ABCA4: variants seen among roughly 807,000 people sequenced by gnomAD.
The protein encoded by ABCA4 is retinal-specific phospholipid-transporting ATPase ABCA4.
Under a neutral mutation model 263.7 loss-of-function variants are expected in ABCA4, and 196 were observed. That is an observed-to-expected ratio of 0.74 (90% confidence interval 0.66 to 0.84). ABCA4 has a LOEUF of 0.84. Among genes scored for constraint, ABCA4 ranks in the 40% least tolerant of loss-of-function variants. The pLI, the probability that ABCA4 is intolerant of heterozygous loss-of-function variation, is 0.00. For missense variants in ABCA4, 2,792 were observed against 2,855.1 expected, an observed-to-expected ratio of 0.98 and a Z score of 0.50; for synonymous variants, 1,133 against 1,094.2, an observed-to-expected ratio of 1.04 and a Z score of -0.70.
At chr1:94,068,018 T>G (rs1661317820) in intron 11 of ABCA4, among the ~76,000 whole-genome samples, 1 of 152,182 alleles carries the variant, frequency 6.6e-6, no homozygotes, top group African/African-American at 2.4e-5. Context: ...CCAGGTTACC[T>G]TTTAGCCATG....
intron 44 of ABCA4, 23 bp downstream of exon 44, chr1:94,005,418 G>A (rs372343357): frequency 5.4e-5 from 87 of 1,613,798 alleles, no homozygotes; most frequent in Non-Finnish European, 7.1e-5. Context: ...ACTCCTATGT[G>A]GCCACAACAA....
chr1:94,063,122 T>C lies in ABCA4; in HGVS notation c.1750A>G (p.Ile584Val). The change falls in exon 12 of 50, where the codon ATT becomes GTT. Residue 584 changes from isoleucine (I) to valine (V), a missense_variant. By Grantham distance (29) the Ile-to-Val change is conservative (BLOSUM62 3). Coordinates refer to ENST00000370225, the MANE Select transcript of ABCA4 (RefSeq NM_000350.3). ...TTCCTGAAACATCACCTGTCTTTAA[T>C]CTTATTGGTTTTCTCCACCACGTCT... ...DIDVVEKTNK[I>V]KDRYWDSGPR... 6.2e-7 allele frequency: 1 copy of C among 1,613,596 alleles called. No homozygotes were observed. The highest frequency in any genetic ancestry group is 8.5e-7 in the Non-Finnish European group (1 of 1,179,692).
chr1:94,037,196 C>G lies in ABCA4; in HGVS notation c.3762G>C (p.Leu1254=), dbSNP rs370865815. Residue 1254 remains leucine (L), a synonymous_variant, in exon 25 of 50, where the codon CTG becomes CTC. Coordinates refer to ENST00000370225, the MANE Select transcript of ABCA4 (RefSeq NM_000350.3). ...CAAAACTGCTGAGACCAAGGTCAGC[C>G]AGCGTCTCCTCCAGCTCTCTGAAAA... is the stretch of plus-strand genomic sequence containing the variant. ...ASLFRELEET[L]ADLGLSSFGI... The G allele has an allele frequency of 1.2e-6, 2 of 1,614,216 alleles. No individual in the cohort carries two copies. Among genetic ancestry groups the G allele is most frequent in the South Asian group, 1.1e-5 (1 of 91,084 alleles).
intron 11 of ABCA4, among the ~76,000 whole-genome samples, chr1:94,067,984 A>G (rs926515049): frequency 2.6e-5 from 4 of 152,232 alleles, no homozygotes; most frequent in African/African-American, 4.8e-5. Context: ...ATATCTTGAA[A>G]GTCAACAGAC....
At chr1:94,013,521 G>A (rs539542486) in intron 38 of ABCA4, among the ~76,000 whole-genome samples, 22 of 152,144 alleles carry the variant, frequency 1.4e-4, no homozygotes, top group Non-Finnish European at 2.8e-4. Flanking sequence ...AGGTTGAGGC[G>A]CCTGGGGACA....
chr1:94,012,911 C>T (rs183214844), intron 38 of ABCA4, among the ~76,000 whole-genome samples: 5 of 152,302 alleles, frequency 3.3e-5, no homozygotes, highest in East Asian at 3.9e-4. Flanking sequence ...TGATCTCACA[C>T]GGGCCGGCAG....
At chr1:94,120,959 A>G in intron 1 of ABCA4, 21 bp downstream of exon 1, 2 of 1,610,194 alleles carry the variant, frequency 1.2e-6, no homozygotes, top group Non-Finnish European at 1.7e-6. Context: ...TCATTTTTAA[A>G]CCACAGACAG....
Position 94,098,879 on chromosome 1 carries a change from G to A in ABCA4, c.683C>T (p.Ala228Val), listed in dbSNP as rs1367618229. ...QRRGAKTVRY[A>V]LCSLSQGTLQ... ...GGTGCCCTGGGAGAGGGAGCACAGG[G>A]CATAGCGCACCGTCTTTGCCCCGCG... Residue 228 changes from alanine to valine, a missense_variant, in exon 6 of 50, where the codon GCC (alanine) becomes GTC (valine). Physicochemically the swap from Ala to Val is moderately conservative, Grantham distance 64. Transcript: ENST00000370225. 6.2e-7 allele frequency: 1 copy of A among 1,614,132 alleles called. No homozygotes were observed. Among genetic ancestry groups the A allele is most frequent in the Non-Finnish European group, 8.5e-7 (1 of 1,180,044 alleles).
chr1:94,010,791 T>C lies in ABCA4; in HGVS notation c.5714+9A>G. 6.2e-7 allele frequency: 1 copy of C among 1,614,108 alleles called. No individual in the cohort carries two copies. Among genetic ancestry groups the C allele is most frequent in the Non-Finnish European group, 8.5e-7 (1 of 1,179,996 alleles). On this transcript the variant is annotated intron_variant, in intron 40 of 49. Coordinates refer to ENST00000370225, the MANE Select transcript of ABCA4 (RefSeq NM_000350.3). Reference sequence around the variant, plus strand: ...CTGCCCACTGGCCCAGGGTGTGGCATGGACGTACCATTGGGAGAGGAAGAA... The same window carrying C: ...CTGCCCACTGGCCCAGGGTGTGGCACGGACGTACCATTGGGAGAGGAAGAA...
intron 48 of ABCA4, 86 bp from the exon 49 acceptor site, chr1:93,996,281 T>C: frequency 1.9e-6 from 2 of 1,048,006 alleles, no homozygotes; most frequent in Non-Finnish European, 2.9e-6. Flanking sequence ...CTCTCTATTT[T>C]CCACAGTTCA....
chr1:94,025,123 G>T (rs1214277105), intron 30 of ABCA4, 75 bp from the exon 31 acceptor site: 7 of 1,221,498 alleles, frequency 5.7e-6, no homozygotes, highest in Non-Finnish European at 8.5e-6. Flanking sequence ...ACTGCTTGTT[G>T]TCTTCCAAAA....
rs987438764 is a variant in ABCA4 at position 94,005,246 on chromosome 1, T to G, written c.6147+195A>C. The G allele has an allele frequency of 1.2e-5, 8 of 645,600 alleles. No individual in the cohort carries two copies. The African/African-American group carries it at 1.5e-4, about 12-fold the overall frequency. 40.0% of individuals were successfully genotyped at this position (645,600 alleles called of 1,614,324 possible). On this transcript the variant is annotated intron_variant, in intron 44 of 49. Transcript: ENST00000370225. ...TAGATATGAGAGTGGGGATTTTTTTTTGTCTGTCTTGTTCACTGCTATACT... is the reference window on the plus strand; with the variant it reads ...TAGATATGAGAGTGGGGATTTTTTTGTGTCTGTCTTGTTCACTGCTATACT...
intron 11 of ABCA4, among the ~76,000 whole-genome samples, chr1:94,064,990 C>T (rs1220542811): frequency 6.6e-6 from 1 of 152,148 alleles, no homozygotes; most frequent in Non-Finnish European, 1.5e-5. Context: ...CTTTAAGGAA[C>T]AGATTCATCC....
chr1:94,116,324 C>T (rs1164430619), intron 1 of ABCA4, among the ~76,000 whole-genome samples: 1 of 152,048 alleles, frequency 6.6e-6, no homozygotes, highest in Non-Finnish European at 1.5e-5. Flanking sequence ...CAGCACTTCT[C>T]ATGTGGCTGC....
At position 94,051,698 on chromosome 1, in the gene ABCA4, C is replaced by G. The variant is rs76157638; in HGVS notation, c.2588G>C (p.Gly863Ala). ...LAWYLDQVFP[G>A]DYGTPLPWYF... ...CCAAGGAAGTGGGGTTCCATAGTCT[C>G]CTAAAAATAGAGACAAATAAACAGA... The change falls in exon 17 of 50, where the codon GGA becomes GCA. Residue 863 changes from glycine (G) to alanine (A), a missense_variant and splice_region_variant. Physicochemically the swap from Gly to Ala is moderately conservative, Grantham distance 60 (BLOSUM62 0). Coordinates refer to ENST00000370225, the MANE Select transcript of ABCA4 (RefSeq NM_000350.3). 11,375 of 1,612,312 alleles carry G rather than the reference C, an allele frequency of 7.1e-3. 46 individuals are homozygous for G. Among genetic ancestry groups the G allele is most frequent in the Non-Finnish European group, 8.9e-3 (10,483 of 1,178,342 alleles).
intron 11 of ABCA4, among the ~76,000 whole-genome samples, chr1:94,075,176 G>A (rs902459545): frequency 9.9e-5 from 15 of 152,118 alleles, no homozygotes; most frequent in African/African-American, 2.7e-4. Flanking sequence ...GGGTAGGGGC[G>A]AGGCGAGGGA....
intron 1 of ABCA4, among the ~76,000 whole-genome samples, chr1:94,115,721 G>A (rs1206133740): frequency 6.6e-6 from 1 of 152,200 alleles, no homozygotes; most frequent in Non-Finnish European, 1.5e-5. Flanking sequence ...ATAAACATGA[G>A]CCATTTGTTA....
rs117258302 is a variant in ABCA4 at position 94,043,753 on chromosome 1, A to G, written c.3051-278T>C. On this transcript the variant is annotated intron_variant, in intron 20 of 49. Transcript: ENST00000370225. ...ACATGAAAGATGTTCCTGATATCTTATGTTTAAAAAAGCAATCCTTTTTTT... is the reference window on the plus strand; with the variant it reads ...ACATGAAAGATGTTCCTGATATCTTGTGTTTAAAAAAGCAATCCTTTTTTT... Among the ~76,000 whole-genome samples, 443 of 141,820 alleles carry G rather than the reference A, an allele frequency of 3.1e-3. 11 individuals carry two copies. In the South Asian group the frequency reaches 0.053, roughly 17 times the overall value. 93.0% of individuals were successfully genotyped at this position (141,820 alleles called of 152,430 possible). A position where few individuals can be genotyped will look rare whatever the true frequency, so the allele number is the denominator to read the frequency against.
At position 94,121,118 on chromosome 1, in the gene ABCA4, A is replaced by T. The variant is rs1427340494; in HGVS notation, c.-73T>A. On this transcript the variant is annotated 5_prime_UTR_variant, in exon 1 of 50. Coordinates refer to ENST00000370225, the MANE Select transcript of ABCA4 (RefSeq NM_000350.3). ...GACAGCAAAGGACATAAACGCCGTT[A>T]AGAGCGCCTCTGGCTCCGGACGCTG... The T allele has an allele frequency of 6.3e-6, 9 of 1,424,498 alleles. No homozygotes were observed. The highest frequency in any genetic ancestry group is 8.9e-6 in the Non-Finnish European group (9 of 1,007,406). The allele number at this position is 1,424,498 out of a possible 1,614,324, so 88.2% of individuals were successfully genotyped here.
Sources: allele counts gnomAD v4.1 joint callset (sites outside exome capture counted in the v4.1 genomes callset), GRCh38; gene constraint gnomAD v4.1.1; transcripts MANE v1.5; gene names NCBI Gene and HGNC (gene_info 2026-07-23, HGNC 2026-07-21).